Variants in ARL15 observed in about 807,000 individuals in gnomAD.
ARL15 encodes the protein ADP-ribosylation factor-like protein 15.
Under a neutral mutation model 25.2 loss-of-function variants are expected in ARL15, and 19 were observed. The ratio of observed to expected loss-of-function variants is 0.75; its 90% confidence interval spans 0.53 to 1.10. ARL15 has a LOEUF of 1.10. Among genes scored for constraint, ARL15 ranks in the 50% least tolerant of loss-of-function variants. ARL15 has a pLI of 0.00. For missense variants in ARL15, 220 were observed against 246.0 expected (o/e 0.89, Z 0.71); for synonymous variants, 94 against 86.8 (o/e 1.08, Z -0.46).
chr5:54,221,074 G>T (rs1341471040), intron 1 of ARL15, among the ~76,000 whole-genome samples: 2 of 152,150 alleles, frequency 1.3e-5, no homozygotes, highest in African/African-American at 4.8e-5. Flanking sequence ...TGGAAGGAAA[G>T]AATCTCCACC....
chr5:54,280,000 C>G (rs1273103943), intron 1 of ARL15, among the ~76,000 whole-genome samples: 1 of 152,202 alleles, frequency 6.6e-6, no homozygotes, highest in East Asian at 1.9e-4. Flanking sequence ...AGCCAGCGCC[C>G]AAGTGTGCAG....
chr5:54,285,300 A>C (rs1758156528), intron 1 of ARL15: 3 of 823,220 alleles, frequency 3.6e-6, no homozygotes, highest in South Asian at 1.1e-4. Flanking sequence ...TGCCTAAGAC[A>C]GAAAAAGAAT....
intron 1 of ARL15, among the ~76,000 whole-genome samples, chr5:54,261,066 G>A (rs1194052153): frequency 6.6e-6 from 1 of 152,184 alleles, no homozygotes; most frequent in Non-Finnish European, 1.5e-5. Context: ...TGTGAGGAAT[G>A]AGGGGCTGCA....
chr5:54,273,855 G>T (rs1003510163), intron 1 of ARL15, among the ~76,000 whole-genome samples: 1 of 152,222 alleles, frequency 6.6e-6, no homozygotes, highest in Non-Finnish European at 1.5e-5. Context: ...GGAACAGAGA[G>T]ACTAACATCG....
At chr5:53,897,301 T>C (rs1744904820) in intron 4 of ARL15, among the ~76,000 whole-genome samples, 1 of 152,228 alleles carries the variant, frequency 6.6e-6, no homozygotes, top group African/African-American at 2.4e-5. Context: ...TCTTCATGGA[T>C]TTGCCTATTC....
At chr5:53,951,866 T>A (rs1164718775) in intron 4 of ARL15, among the ~76,000 whole-genome samples, 2 of 150,096 alleles carry the variant, frequency 1.3e-5, no homozygotes, top group African/African-American at 4.9e-5. Context: ...TTTTTTTTTT[T>A]TTTTTTTACA....
intron 4 of ARL15, among the ~76,000 whole-genome samples, chr5:53,904,406 C>T (rs1433353126): frequency 6.6e-6 from 1 of 152,138 alleles, no homozygotes; most frequent in Non-Finnish European, 1.5e-5. Context: ...TTGAGAATTT[C>T]TATTCCTATG....
chr5:53,963,392 A>G (rs918326887), intron 4 of ARL15, among the ~76,000 whole-genome samples: 1 of 152,110 alleles, frequency 6.6e-6, no homozygotes, highest in Non-Finnish European at 1.5e-5. Flanking sequence ...CAGCACAGAA[A>G]CTCATAGGGT....
intron 4 of ARL15, among the ~76,000 whole-genome samples, chr5:53,968,763 C>T (rs2112174518): frequency 6.6e-6 from 1 of 152,094 alleles, no homozygotes; most frequent in Admixed American, 6.5e-5. Flanking sequence ...CCCGCCTCAG[C>T]CTCCCAAAGT....
At chr5:54,073,851 G>A (rs560172338) in intron 4 of ARL15, among the ~76,000 whole-genome samples, 2 of 152,270 alleles carry the variant, frequency 1.3e-5, no homozygotes, top group Non-Finnish European at 1.5e-5. Context: ...AGCAGTACCT[G>A]TAAGCACAAA....
At chr5:54,191,573 A>G (rs559225653) in intron 1 of ARL15, among the ~76,000 whole-genome samples, 1 of 152,298 alleles carries the variant, frequency 6.6e-6, no homozygotes, top group South Asian at 2.1e-4. Context: ...TTAGTTAACA[A>G]CAGCTCCATT....
In ARL15 at chr5:53,989,916, G is replaced by A. The variant is rs987712109; in HGVS notation, c.463-103203C>T. Among the ~76,000 whole-genome samples the A allele has an allele frequency of 4.6e-5, 7 of 152,114 alleles. 1 individual carries two copies. Among genetic ancestry groups the A allele is most frequent in the African/African-American group, 9.7e-5 (4 of 41,412 alleles). ...TTAAGAACAGGGCAGTAATTAGCAC[G>A]TTGGGAGGCATGAAAAAGTTTTAAA... On this transcript the variant is annotated intron_variant, in intron 4 of 4. Coordinates refer to ENST00000504924, the MANE Select transcript of ARL15 (RefSeq NM_019087.3).
At chr5:54,070,967 G>A (rs1485290962) in intron 4 of ARL15, among the ~76,000 whole-genome samples, 1 of 151,506 alleles carries the variant, frequency 6.6e-6, no homozygotes, top group African/African-American at 2.4e-5. Context: ...TCAGGAATTC[G>A]AGACCAGCCT....
At chr5:54,145,736 A>C (rs2112324257) in intron 3 of ARL15, among the ~76,000 whole-genome samples, 1 of 152,174 alleles carries the variant, frequency 6.6e-6, no homozygotes, top group East Asian at 1.9e-4. Flanking sequence ...GAATTAAATA[A>C]CAATAACAAA....
intron 4 of ARL15, among the ~76,000 whole-genome samples, chr5:54,099,879 G>A (rs200606428): frequency 1.3e-5 from 2 of 152,060 alleles, no homozygotes; most frequent in Non-Finnish European, 2.9e-5. Context: ...TAATTTAGAT[G>A]GTCAACAGTG....
At chr5:54,017,587 G>GAAA (rs34358029) in intron 4 of ARL15, among the ~76,000 whole-genome samples, 1 of 131,498 alleles carries the variant, frequency 7.6e-6, no homozygotes, top group Admixed American at 7.4e-5. Context: ...CTTTGTGGAA[G>GAAA]AAAAAAAAAA....
At chr5:53,964,211 C>T (rs752390976) in intron 4 of ARL15, among the ~76,000 whole-genome samples, 14 of 152,152 alleles carry the variant, frequency 9.2e-5, no homozygotes, top group African/African-American at 1.9e-4. Context: ...ATTCACTTTA[C>T]AGGAAGGTCC....
At position 54,025,853 on chromosome 5, in the gene ARL15, C is replaced by G. The variant is rs79466207; in HGVS notation, c.462+87349G>C. On this transcript the variant is annotated intron_variant, in intron 4 of 4. Coordinates refer to ENST00000504924, the MANE Select transcript of ARL15 (RefSeq NM_019087.3). ...ATTGTGCATCTTCTTGGAACTTTTT[C>G]TTAGAAATATTTATAGAACTTTTCA... Among the ~76,000 whole-genome samples, 1,191 of 152,208 alleles carry G rather than the reference C, an allele frequency of 7.8e-3. 7 individuals are homozygous for G. The highest frequency in any genetic ancestry group is 0.013 in the Non-Finnish European group (898 of 67,976).
At chr5:53,936,720 T>G (rs1413510097) in intron 4 of ARL15, among the ~76,000 whole-genome samples, 4 of 152,188 alleles carry the variant, frequency 2.6e-5, no homozygotes, top group Non-Finnish European at 5.9e-5. Flanking sequence ...GACTATCCAG[T>G]TTTCTCATTT....
Sources: allele counts gnomAD v4.1 joint callset (sites outside exome capture counted in the v4.1 genomes callset), GRCh38; gene constraint gnomAD v4.1.1; transcripts MANE v1.5; gene names NCBI Gene and HGNC (gene_info 2026-07-23, HGNC 2026-07-21).